TAB3: variants seen among roughly 807,000 people sequenced by gnomAD.
The protein encoded by TAB3 is TGF-beta activated kinase 1 (MAP3K7) binding protein 3.
TAB3 carries 18 observed loss-of-function variants against 48.1 expected under a neutral mutation model. That is an observed-to-expected ratio of 0.37 (90% CI 0.26 to 0.55). The LOEUF is 0.55. Ranked by LOEUF, TAB3 falls within the 20% of genes least tolerant of loss-of-function variation. TAB3 has a pLI of 0.78. For synonymous variants in TAB3, 185 were observed against 190.2 expected, an observed-to-expected ratio of 0.97 and a Z score of 0.22; for missense variants, 414 against 549.8, an observed-to-expected ratio of 0.75 and a Z score of 2.47.
intron 1 of TAB3, among the ~76,000 whole-genome samples, chrX:30,876,005 A>G (rs907338509): frequency 8.9e-6 from 1 of 112,263 alleles, no homozygotes; most frequent in Admixed American, 9.4e-5. Flanking sequence ...TGCCTTTCTT[A>G]AAAGTGTCAA....
intron 1 of TAB3, among the ~76,000 whole-genome samples, chrX:30,874,338 G>A (rs775806568): frequency 1.9e-4 from 21 of 112,344 alleles, no homozygotes; most frequent in African/African-American, 5.8e-4. Context: ...AGCTATGTAA[G>A]AAAATGTGTT....
intron 8 of TAB3, chrX:30,845,839 G>A (rs1938605878): frequency 9.4e-6 from 4 of 424,439 alleles, no homozygotes; most frequent in Middle Eastern, 5.2e-4. Context: ...TTAAATTGCA[G>A]AAATACAATA....
chrX:30,851,242 ACTCT>A (rs907089897), intron 7 of TAB3, among the ~76,000 whole-genome samples: 5 of 111,208 alleles, frequency 4.5e-5, no homozygotes, highest in East Asian at 5.6e-4. Context: ...ATTTCTCAAG[ACTCT>A]CTCTCTCAAA....
rs746050787 is a variant in TAB3 at position 30,855,236 on chromosome X, G to A, written c.429C>T (p.Asn143=). 16 of 1,209,891 alleles carry A rather than the reference G, an allele frequency of 1.3e-5. No homozygotes were observed. The East Asian group carries it at 2.4e-4, about 18-fold the overall frequency. The change falls in exon 6 of 11, where the codon AAC becomes AAT. Residue 143 remains asparagine, a synonymous_variant. Transcript: ENST00000288422. ...GAGTAGCTGCACTTCTGTTCTGTTC[G>A]TTCATAAAAAATGGATTGTAGTTGG... ...ATPNYNPFFM[N]EQNRSAATPP... is the part of the protein sequence containing the mutation.
At position 30,832,123 on chromosome X, in the gene TAB3, A is replaced by G. The variant is rs747479152; in HGVS notation, c.1991-548T>C. Among the ~76,000 whole-genome samples, 3 of 112,521 alleles carry G rather than the reference A, an allele frequency of 2.7e-5. No homozygotes were observed. The South Asian group carries it at 1.1e-3, about 42-fold the overall frequency. The stretch of plus-strand genomic sequence containing the variant: ...AAGTTTTCCTCAGAATAGTGAAAAG[A>G]GGAAGATTCTACAGTTCATTTTTCA... On this transcript the variant is annotated intron_variant, in intron 10 of 10. Transcript: ENST00000288422.
chrX:30,836,997 C>T (rs147454335), intron 9 of TAB3, among the ~76,000 whole-genome samples: 271 of 108,318 alleles, frequency 2.5e-3, no homozygotes, highest in African/African-American at 8.1e-3. Flanking sequence ...CCTCCCACCT[C>T]GAATACATGG....
At chrX:30,833,660 T>C (rs1431236182) in intron 10 of TAB3, among the ~76,000 whole-genome samples, 1 of 108,764 alleles carries the variant, frequency 9.2e-6, no homozygotes, top group Non-Finnish European at 1.9e-5. Context: ...TGAAACCCCG[T>C]CTCTACTAAA....
At chrX:30,886,540 G>C in intron 1 of TAB3, among the ~76,000 whole-genome samples, 2 of 111,937 alleles carry the variant, frequency 1.8e-5, no homozygotes, top group Admixed American at 1.9e-4. Flanking sequence ...GATGTGTACT[G>C]AGGAACACAA....
chrX:30,864,785 CAG>C (rs1491452517), intron 4 of TAB3, among the ~76,000 whole-genome samples: 6 of 101,632 alleles, frequency 5.9e-5, no homozygotes, highest in Non-Finnish European at 1.2e-4. Flanking sequence ...TTGGCCATCA[CAG>C]TGTGTGTGTG....
At chrX:30,863,534 G>C (rs923988422) in intron 4 of TAB3, among the ~76,000 whole-genome samples, 1 of 111,819 alleles carries the variant, frequency 8.9e-6, no homozygotes, top group Non-Finnish European at 1.9e-5. Flanking sequence ...TCCTAGGTGA[G>C]TCCTTGTTCC....
intron 2 of TAB3, among the ~76,000 whole-genome samples, chrX:30,869,111 A>C (rs1356516925): frequency 9.3e-6 from 1 of 107,367 alleles, no homozygotes. Flanking sequence ...CCCAGGCTGG[A>C]GTGCAATGGC....
intron 6 of TAB3, among the ~76,000 whole-genome samples, 159 bp downstream of exon 6, chrX:30,853,957 G>A (rs6653846): frequency 0.052 from 5,890 of 112,454 alleles, 285 homozygotes; most frequent in African/African-American, 0.15. Context: ...TTACAGGCGT[G>A]AGCCACCGCA....
chrX:30,846,849 T>TAAAC (rs1356133271), intron 7 of TAB3, among the ~76,000 whole-genome samples: 1 of 112,086 alleles, frequency 8.9e-6, no homozygotes, highest in Non-Finnish European at 1.9e-5. Flanking sequence ...TGGCCACATA[T>TAAAC]AAACAAAATC....
chrX:30,861,596 T>G (rs1939253549), intron 4 of TAB3, among the ~76,000 whole-genome samples: 2 of 111,969 alleles, frequency 1.8e-5, no homozygotes, highest in Non-Finnish European at 3.8e-5. Flanking sequence ...TAATTTAACT[T>G]TTTTCTGAAT....
chrX:30,885,616 G>C (rs1480797740), intron 1 of TAB3, among the ~76,000 whole-genome samples: 1 of 111,619 alleles, frequency 9.0e-6, no homozygotes, highest in African/African-American at 3.3e-5. Context: ...GATGGCAGCT[G>C]AAAGGAGTGA....
chrX:30,878,516 AAAAG>A lies in TAB3; in HGVS notation c.-382-6719_-382-6716del, dbSNP rs150393516. ...GACTCCATCTCAAAAAAAAAAAAAA[AAAAG>A]AAAGAAAGAAAGATATCTCTCTCAG... On this transcript the variant is annotated intron_variant, in intron 1 of 10. Transcript: ENST00000288422. Among the ~76,000 whole-genome samples, 25 of 79,584 alleles carry A rather than the reference AAAAG, an allele frequency of 3.1e-4. No individual in the cohort carries two copies. The Admixed American group carries it at 3.8e-3, about 12-fold the overall frequency. 69.1% of individuals were successfully genotyped at this position (79,584 alleles called of 115,157 possible).
intron 1 of TAB3, among the ~76,000 whole-genome samples, chrX:30,883,315 A>G (rs1940045560): frequency 8.9e-6 from 1 of 111,872 alleles, no homozygotes; most frequent in African/African-American, 3.3e-5. Context: ...TAAAAAATAC[A>G]TAACACTTCT....
At position 30,867,917 on chromosome X, in the gene TAB3, AT is replaced by A. The variant is rs773901517; in HGVS notation, c.-279-369del. 7.8e-3 allele frequency among the ~76,000 whole-genome samples: 755 copies of A among 97,387 alleles called. 3 individuals are homozygous for A. Among genetic ancestry groups the A allele is most frequent in the Non-Finnish European group, 9.1e-3 (434 of 47,775 alleles). The allele number at this position is 97,387 out of a possible 115,157, so 84.6% of individuals were successfully genotyped here. A position where few individuals can be genotyped will look rare whatever the true frequency, so the allele number is the denominator to read the frequency against. On this transcript the variant is annotated intron_variant, in intron 2 of 10. Coordinates refer to ENST00000288422, the MANE Select transcript of TAB3 (RefSeq NM_152787.5). ...CCCAGGCCTATGAAGCATGCATATA[AT>A]TTTTTTTTTTTTTTTTGAGACAGGC...
intron 7 of TAB3, among the ~76,000 whole-genome samples, chrX:30,848,281 T>TG (rs768260802): frequency 1.1e-4 from 12 of 112,101 alleles, no homozygotes; most frequent in East Asian, 2.8e-4. Flanking sequence ...CCCGGCACTT[T>TG]GGGGGGCCAA....
Sources: gnomAD v4.1 joint callset for allele counts (sites outside exome capture counted in the v4.1 genomes callset) on GRCh38, gnomAD v4.1.1 for gene constraint, MANE v1.5 for transcripts, NCBI Gene and HGNC (gene_info 2026-07-23, HGNC 2026-07-21) for gene names.